AQP6: variants seen among roughly 807,000 people sequenced by gnomAD.
AQP6 encodes aquaporin-6.
A neutral mutation model predicts 16.3 loss-of-function variants in AQP6; 14 were observed. The observed-to-expected ratio is 0.86, with a 90% CI of 0.57 to 1.34. AQP6 has a LOEUF of 1.34. AQP6 is among the 40% of genes most tolerant of loss of function. AQP6 has a pLI of 0.00. For synonymous variants in AQP6, 178 were observed against 166.8 expected (o/e 1.07, Z -0.52); for missense variants, 331 against 379.7 (o/e 0.87, Z 1.07).
rs1402809311 is a variant in AQP6, at chr12:49,974,024, T to C, written c.403-300T>C. ...ATTTCGTAACCATCTGTGTTCCACCTTCTTCCCCCAAATCTCCTCCTTCCA... is the reference window on the plus strand; with the variant it reads ...ATTTCGTAACCATCTGTGTTCCACCCTCTTCCCCCAAATCTCCTCCTTCCA... On this transcript the variant is annotated intron_variant, in intron 1 of 3. Coordinates refer to ENST00000315520, the MANE Select transcript of AQP6 (RefSeq NM_001652.4). The C allele has an allele frequency of 1.3e-5, 16 of 1,190,394 alleles. 1 individual carries two copies. The Admixed American group carries it at 4.9e-4, about 36-fold the overall frequency. The allele number at this position is 1,190,394 out of a possible 1,614,324, so 73.7% of individuals were successfully genotyped here. A position where few individuals can be genotyped will look rare whatever the true frequency, so the allele number is the denominator to read the frequency against.
rs1947579048 is a variant in AQP6, at chr12:49,976,919, C to A, written c.*1248C>A. On this transcript the variant is annotated 3_prime_UTR_variant, in exon 4 of 4. Transcript: ENST00000315520. Reference sequence around the variant, plus strand: ...GGAAACTAAGATTTGAGATTCAGTGCCTCTGAAAGACTACCAAAATCTAAG... The same window carrying A: ...GGAAACTAAGATTTGAGATTCAGTGACTCTGAAAGACTACCAAAATCTAAG... The A allele has an allele frequency of 2.9e-6, 2 of 699,660 alleles. No homozygotes were observed. The highest frequency in any genetic ancestry group is 5.2e-6 in the Non-Finnish European group (2 of 383,478). The allele number at this position is 699,660 out of a possible 1,614,324, so 43.3% of individuals were successfully genotyped here.
chr12:49,973,564 G>T lies in AQP6; in HGVS notation c.391G>T (p.Gly131Trp). 7 of 1,603,424 alleles carry T rather than the reference G, an allele frequency of 4.4e-6. No individual in the cohort carries two copies. The highest frequency in any genetic ancestry group is 6.0e-6 in the Non-Finnish European group (7 of 1,174,692). Residue 131 changes from glycine to tryptophan, a missense_variant, in exon 1 of 4, where the codon GGG becomes TGG. Transcript: ENST00000315520. ...VMPGDIRETL[G>W]INVVRNSVST... ...GCCGGGAGACATCCGAGAGACCCTT[G>T]GGATCAACGTGGTAGGTGCAGGGAG... is the stretch of plus-strand genomic sequence containing the variant.
At chr12:49,974,923 A>G in intron 3 of AQP6, 97 bp downstream of exon 3, 1 of 1,530,132 alleles carries the variant, frequency 6.5e-7, no homozygotes, top group Non-Finnish European at 8.8e-7. Context: ...TCAGAAGGCC[A>G]GGGTGAATGT....
At chr12:49,974,293 C>A in intron 1 of AQP6, 31 bp from the exon 2 acceptor site, 5 of 1,501,014 alleles carry the variant, frequency 3.3e-6, no homozygotes, top group Non-Finnish European at 4.5e-6. Flanking sequence ...GCAGAGCCCG[C>A]GTCTGGTCCA....
intron 2 of AQP6, 44 bp from the exon 3 acceptor site, chr12:49,974,702 T>A: frequency 6.2e-7 from 1 of 1,603,476 alleles, no homozygotes; most frequent in Non-Finnish European, 8.5e-7. Context: ...CTCTCAGGCC[T>A]GCCTTAAACC....
chr12:49,974,277 C>T, intron 1 of AQP6, 47 bp from the exon 2 acceptor site: 1 of 1,482,822 alleles, frequency 6.7e-7, no homozygotes, highest in South Asian at 1.4e-5. Flanking sequence ...CTCTGTCTGT[C>T]CGTGGGCAGA....
rs750827693 is a variant in AQP6 at position 49,975,428 on chromosome 12, T to C, written c.643-37T>C. The C allele has an allele frequency of 1.3e-6, 2 of 1,551,348 alleles. No individual in the cohort carries two copies. The highest frequency in any genetic ancestry group is 8.7e-7 in the Non-Finnish European group (1 of 1,153,994). On this transcript the variant is annotated intron_variant, in intron 3 of 3. Transcript: ENST00000315520. The surrounding 1 kb of genome is among the most constrained non-coding windows in gnomAD (Gnocchi z 4.4). Reference sequence around the variant, plus strand: ...TCCCAGAGCCACCCTGTGGTCCTGATAGCTCCTGGGTGGGGTGACGACATC... The same window carrying C: ...TCCCAGAGCCACCCTGTGGTCCTGACAGCTCCTGGGTGGGGTGACGACATC...
In AQP6 at chr12:49,976,015, C is replaced by G. The variant is rs941116121; in HGVS notation, c.*344C>G. ...AAAGGAATGGGAGCCCAGACAGCCA[C>G]TCTGCTTAGACATGGGAGCTATAGG... is the stretch of plus-strand genomic sequence containing the variant. On this transcript the variant is annotated 3_prime_UTR_variant, in exon 4 of 4. Coordinates refer to ENST00000315520, the MANE Select transcript of AQP6 (RefSeq NM_001652.4). The G allele has an allele frequency of 5.1e-6, 1 of 194,904 alleles. No individual in the cohort carries two copies. The highest frequency in any genetic ancestry group is 1.8e-4 in the South Asian group (1 of 5,714). 12.1% of individuals were successfully genotyped at this position (194,904 alleles called of 1,614,324 possible). A position where few individuals can be genotyped will look rare whatever the true frequency, so the allele number is the denominator to read the frequency against.
Position 49,976,326 on chromosome 12 carries a change from C to G in AQP6, c.*655C>G, listed in dbSNP as rs1262128663. The G allele has an allele frequency of 2.0e-5, 3 of 152,576 alleles. No individual in the cohort carries two copies. Among genetic ancestry groups the G allele is most frequent in the African/African-American group, 7.2e-5 (3 of 41,432 alleles). The allele number at this position is 152,576 out of a possible 1,614,324, so 9.5% of individuals were successfully genotyped here. ...CTCGGCTCACTGCAACCTCTACCTC[C>G]TGGGTTCAAGGGATTCTCCTGCCTC... On this transcript the variant is annotated 3_prime_UTR_variant, in exon 4 of 4. Transcript: ENST00000315520.
In AQP6 at chr12:49,974,804, T is replaced by C. The variant is rs748850847; in HGVS notation, c.620T>C (p.Ile207Thr). 2 of 1,614,220 alleles carry C rather than the reference T, an allele frequency of 1.2e-6. No individual in the cohort carries two copies. Among genetic ancestry groups the C allele is most frequent in the South Asian group, 1.1e-5 (1 of 91,084 alleles). ...CGCTCCTTCGGCCCTGCCATCATCATTGGGAAGTTCACAGTCCACTGGGTG... is the reference window on the plus strand; with the variant it reads ...CGCTCCTTCGGCCCTGCCATCATCACTGGGAAGTTCACAGTCCACTGGGTG... ...PARSFGPAIIIGKFTVHWVFW... is the reference protein window; with the variant it reads ...PARSFGPAIITGKFTVHWVFW... Residue 207 changes from isoleucine to threonine, a missense_variant, in exon 3 of 4, where the codon ATT becomes ACT. Transcript: ENST00000315520.
chr12:49,973,300 G>T lies in AQP6; in HGVS notation c.127G>T (p.Gly43Cys). The change falls in exon 1 of 4, where the codon GGC becomes TGC. Residue 43 changes from glycine to cysteine, a missense_variant. Transcript: ENST00000315520. ...ATGLYVFFGV[G>C]SVMRWPTALP... The stretch of plus-strand genomic sequence containing the variant: ...GGGGCTGTATGTGTTCTTTGGCGTG[G>T]GCTCAGTCATGCGCTGGCCCACAGC... 6.2e-7 allele frequency: 1 copy of T among 1,613,798 alleles called. No homozygotes were observed. Among genetic ancestry groups the T allele is most frequent in the Non-Finnish European group, 8.5e-7 (1 of 1,180,036 alleles).
rs115806292 is a variant in AQP6, at chr12:49,975,746, C to A, written c.*75C>A. The A allele has an allele frequency of 2.2e-6, 2 of 897,432 alleles. No individual in the cohort carries two copies. Among genetic ancestry groups the A allele is most frequent in the East Asian group, 1.1e-4 (2 of 17,846 alleles). The allele number at this position is 897,432 out of a possible 1,614,324, so 55.6% of individuals were successfully genotyped here. ...GCCTGGAGGTTCTCCCTGGGGGTGG[C>A]GGGAGGGGGAGGCTTGACCTTTTGT... On this transcript the variant is annotated 3_prime_UTR_variant, in exon 4 of 4. Coordinates refer to ENST00000315520, the MANE Select transcript of AQP6 (RefSeq NM_001652.4). The surrounding 1 kb of genome is among the most constrained non-coding windows in gnomAD (Gnocchi z 4.4).
rs753076949 is a variant in AQP6, at chr12:49,973,434, G to A, written c.261G>A (p.Leu87=). 6.2e-7 allele frequency: 1 copy of A among 1,613,484 alleles called. No individual in the cohort carries two copies. The highest frequency in any genetic ancestry group is 8.5e-7 in the Non-Finnish European group (1 of 1,180,046). Residue 87 remains leucine (L), a synonymous_variant, in exon 1 of 4, where the codon CTG becomes CTA. Coordinates refer to ENST00000315520, the MANE Select transcript of AQP6 (RefSeq NM_001652.4). ...SGAHANPAVT[L]AFLVGSHISL... ...CCCACGCCAACCCCGCCGTGACGCTGGCCTTCCTCGTAGGCTCCCACATCT... is the reference window on the plus strand; with the variant it reads ...CCCACGCCAACCCCGCCGTGACGCTAGCCTTCCTCGTAGGCTCCCACATCT...
In AQP6 at chr12:49,975,448, GA is replaced by G; in HGVS notation, c.643-16del. The G allele has an allele frequency of 6.3e-7, 1 of 1,576,278 alleles. No homozygotes were observed. The highest frequency in any genetic ancestry group is 8.6e-7 in the Non-Finnish European group (1 of 1,165,326). On this transcript the variant is annotated splice_polypyrimidine_tract_variant and intron_variant, in intron 3 of 3. Coordinates refer to ENST00000315520, the MANE Select transcript of AQP6 (RefSeq NM_001652.4). This position sits in a 1 kb window ranked among gnomAD's most constrained non-coding sequence, Gnocchi z 4.4. ...CCTGATAGCTCCTGGGTGGGGTGAC[GA>G]CATCCTTCTCCTCAGGTCTTCTGGG...
chr12:49,973,804 C>T (rs1947549340), intron 1 of AQP6: 1 of 1,105,822 alleles, frequency 9.0e-7, no homozygotes, highest in Non-Finnish European at 1.2e-6. Context: ...AGGAAGAGGC[C>T]ACATAAAGGA....
In AQP6 at chr12:49,975,228, C is replaced by T; in HGVS notation, c.643-237C>T. 7.5e-7 allele frequency: 1 copy of T among 1,325,554 alleles called. No homozygotes were observed. The highest frequency in any genetic ancestry group is 9.6e-7 in the Non-Finnish European group (1 of 1,042,922). The allele number at this position is 1,325,554 out of a possible 1,614,324, so 82.1% of individuals were successfully genotyped here. On this transcript the variant is annotated intron_variant, in intron 3 of 3. Transcript: ENST00000315520. This position sits in a 1 kb window ranked among gnomAD's most constrained non-coding sequence, Gnocchi z 4.4. Reference sequence around the variant, plus strand: ...GGGTGAGGAGACTGGCCCCAGGCCCCAGCCACGGCTGCAGAGCCTGGGCTC... The same window carrying T: ...GGGTGAGGAGACTGGCCCCAGGCCCTAGCCACGGCTGCAGAGCCTGGGCTC...
At chr12:49,974,692 C>G in intron 2 of AQP6, 54 bp from the exon 3 acceptor site, 3 of 1,586,420 alleles carry the variant, frequency 1.9e-6, no homozygotes, top group Non-Finnish European at 2.6e-6. Context: ...AAATGGTCCC[C>G]TCTCAGGCCT....
At position 49,974,330 on chromosome 12, in the gene AQP6, AAC is replaced by A; in HGVS notation, c.411_412del (p.Asn137LysfsTer177). ...RETLGINVVR[N>X]SVSTGQAVAV... ...AGTAACTCCCTCTGTCCAGGTCCGG[AAC>A]AGTGTCTCAACTGGCCAGGCGGTGG... On this transcript the variant is annotated frameshift_variant, in exon 2 of 4. Transcript: ENST00000315520. LOFTEE classifies it high-confidence loss of function. The A allele has an allele frequency of 1.3e-6, 2 of 1,575,678 alleles. No homozygotes were observed. The highest frequency in any genetic ancestry group is 4.5e-5 in the East Asian group (2 of 43,976).
Position 49,976,851 on chromosome 12 carries a change from G to C in AQP6, c.*1180G>C, listed in dbSNP as rs954631985. 1 of 630,632 alleles carries C rather than the reference G, an allele frequency of 1.6e-6. No homozygotes were observed. Among genetic ancestry groups the C allele is most frequent in the Admixed American group, 2.7e-5 (1 of 37,578 alleles). The allele number at this position is 630,632 out of a possible 1,614,324, so 39.1% of individuals were successfully genotyped here. ...AGCATTACAGGATCCCCAGAAAGCT[G>C]TTGAATAAGCCCTAAGGGTGGTAGG... On this transcript the variant is annotated 3_prime_UTR_variant, in exon 4 of 4. Transcript: ENST00000315520.
Sources: allele counts gnomAD v4.1 joint callset, GRCh38; gene constraint gnomAD v4.1.1; non-coding constraint Gnocchi (gnomAD v3.1); transcripts MANE v1.5; gene names NCBI Gene and HGNC (gene_info 2026-07-23, HGNC 2026-07-21).